Variants in FARS2 observed in about 807,000 individuals in gnomAD.
FARS2 encodes phenylalanyl-tRNA synthetase 2, mitochondrial, also known as phenylalanine--tRNA ligase, mitochondrial.
Under a neutral mutation model 46.4 loss-of-function variants are expected in FARS2, and 40 were observed. The ratio of observed to expected loss-of-function variants is 0.86; its 90% CI spans 0.67 to 1.12. The LOEUF is 1.12. Among genes scored for constraint, FARS2 ranks in the 50% most tolerant of loss-of-function variants. FARS2 has a pLI of 0.00. For synonymous variants in FARS2, 234 were observed against 214.9 expected (o/e 1.09, Z -0.78); for missense variants, 513 against 567.9 (o/e 0.90, Z 0.98).
chr6:5,672,674 T>TA (rs147061946), intron 6 of FARS2, among the ~76,000 whole-genome samples: 1 of 152,118 alleles, frequency 6.6e-6, no homozygotes, highest in African/African-American at 2.4e-5. Flanking sequence ...GAGCCCCCCT[T>TA]AAAAATAGCA....
intron 5 of FARS2, among the ~76,000 whole-genome samples, chr6:5,606,915 CATT>C (rs1453009275): frequency 2.0e-5 from 3 of 152,090 alleles, no homozygotes; most frequent in Non-Finnish European, 4.4e-5. Context: ...CTGAGGAAGA[CATT>C]ATGTTTATCA....
At chr6:5,388,690 T>G (rs894018657) in intron 2 of FARS2, among the ~76,000 whole-genome samples, 1 of 152,136 alleles carries the variant, frequency 6.6e-6, no homozygotes, top group South Asian at 2.1e-4. Context: ...ACAAAATCAT[T>G]CATGAGTGAT....
chr6:5,464,307 G>A (rs990611746), intron 4 of FARS2, among the ~76,000 whole-genome samples: 1 of 152,200 alleles, frequency 6.6e-6, no homozygotes, highest in Non-Finnish European at 1.5e-5. Flanking sequence ...TCCACCATAT[G>A]TGCAGGCTTC....
At chr6:5,676,036 T>C (rs939210191) in intron 6 of FARS2, among the ~76,000 whole-genome samples, 6 of 152,120 alleles carry the variant, frequency 3.9e-5, no homozygotes, top group African/African-American at 1.4e-4. Context: ...TAAATTAAAA[T>C]AAAGATAACT....
rs751459058 is a variant in FARS2, at chr6:5,613,185, C to T, written c.1082C>T (p.Pro361Leu). 2.2e-4 allele frequency: 351 copies of T among 1,612,134 alleles called. No individual in the cohort carries two copies. Among genetic ancestry groups the T allele is most frequent in the Middle Eastern group, 8.2e-4 (5 of 6,078 alleles). ...KVKFQPLSKYPAVINDISFWL... is the reference protein window; with the variant it reads ...KVKFQPLSKYLAVINDISFWL... ...TTTTGTTAGCCTCTTAGCAAATATC[C>T]GGCTGTGATCAATGATATTTCATTC... is the stretch of plus-strand genomic sequence containing the variant. The change falls in exon 6 of 7, where the codon CCG becomes CTG. Residue 361 changes from proline (P) to leucine (L), a missense_variant. Physicochemically the swap from Pro to Leu is moderately conservative, Grantham distance 98. Transcript: ENST00000274680.
chr6:5,613,926 C>T (rs1775322825), intron 6 of FARS2, among the ~76,000 whole-genome samples: 1 of 152,020 alleles, frequency 6.6e-6, no homozygotes, highest in East Asian at 1.9e-4. Context: ...AAGCTGAGAA[C>T]AGAAGGATGA....
rs114097737 is a variant in FARS2, at chr6:5,450,812, C to T, written c.904+19640C>T. 9.6e-3 allele frequency among the ~76,000 whole-genome samples: 1,466 copies of T among 152,132 alleles called. 22 individuals carry two copies. The highest frequency in any genetic ancestry group is 0.033 in the African/African-American group (1,375 of 41,502). ...GGGGTCTCCTTGCCTCCAGGGTTTC[C>T]CTCCTCCAGTCTGCCCTGCTTGGAA... On this transcript the variant is annotated intron_variant, in intron 4 of 6. Coordinates refer to ENST00000274680, the MANE Select transcript of FARS2 (RefSeq NM_006567.5).
intron 6 of FARS2, among the ~76,000 whole-genome samples, chr6:5,666,143 T>C (rs1273590010): frequency 2.0e-5 from 3 of 152,200 alleles, no homozygotes; most frequent in African/African-American, 7.2e-5. Flanking sequence ...CCCAAAATAC[T>C]GGGTACCTCA....
chr6:5,622,619 A>G (rs753025669), intron 6 of FARS2, among the ~76,000 whole-genome samples: 7 of 152,194 alleles, frequency 4.6e-5, no homozygotes, highest in Non-Finnish European at 8.8e-5. Flanking sequence ...GGGAGGACAC[A>G]GTGTTCGTCC....
At chr6:5,279,661 A>G (rs548562377) in intron 1 of FARS2, among the ~76,000 whole-genome samples, 90 of 151,840 alleles carry the variant, frequency 5.9e-4, no homozygotes, top group African/African-American at 2.1e-3. Flanking sequence ...CACATGGCAT[A>G]AGTTTCAGTT....
At chr6:5,352,546 C>T (rs745877396) in intron 1 of FARS2, among the ~76,000 whole-genome samples, 11 of 151,450 alleles carry the variant, frequency 7.3e-5, no homozygotes, top group Non-Finnish European at 1.0e-4. Flanking sequence ...AGGCTTTGTC[C>T]TCAGTTACCT....
chr6:5,769,148 G>A (rs1395088999), intron 6 of FARS2, among the ~76,000 whole-genome samples: 1 of 151,358 alleles, frequency 6.6e-6, no homozygotes, highest in Non-Finnish European at 1.5e-5. Flanking sequence ...GAGTTAGTTT[G>A]TGTGTGTGTG....
intron 4 of FARS2, among the ~76,000 whole-genome samples, chr6:5,539,915 G>A (rs964920751): frequency 5.3e-5 from 8 of 152,160 alleles, no homozygotes; most frequent in African/African-American, 1.7e-4. Context: ...CCTCTGCTCC[G>A]TCTCACCCTG....
At position 5,686,318 on chromosome 6, in the gene FARS2, C is replaced by G. The variant is rs553675894; in HGVS notation, c.1217+72998C>G. Among the ~76,000 whole-genome samples, 5 of 151,476 alleles carry G rather than the reference C, an allele frequency of 3.3e-5. No homozygotes were observed. In the South Asian group the frequency reaches 1.0e-3, roughly 31 times the overall value. ...CTGCACCCATTAACTCGTCATTTAA[C>G]ATTAGGTATATCTCCTAATGCTCTC... On this transcript the variant is annotated intron_variant, in intron 6 of 6. Coordinates refer to ENST00000274680, the MANE Select transcript of FARS2 (RefSeq NM_006567.5).
At chr6:5,299,893 C>T (rs898425003) in intron 1 of FARS2, among the ~76,000 whole-genome samples, 38 of 152,204 alleles carry the variant, frequency 2.5e-4, no homozygotes, top group African/African-American at 9.2e-4. Flanking sequence ...TAGGACTTCT[C>T]AGTCTCGATA....
chr6:5,417,553 C>T (rs1019926341), intron 3 of FARS2, among the ~76,000 whole-genome samples: 2 of 152,106 alleles, frequency 1.3e-5, no homozygotes, highest in South Asian at 4.1e-4. Context: ...AGGTGATATT[C>T]CTAGATCTCT....
At chr6:5,708,408 C>T (rs1192457001) in intron 6 of FARS2, among the ~76,000 whole-genome samples, 1 of 152,202 alleles carries the variant, frequency 6.6e-6, no homozygotes, top group Non-Finnish European at 1.5e-5. Context: ...CCTACATGAT[C>T]AGTGAGCTCC....
chr6:5,537,040 CT>C (rs1214616566), intron 4 of FARS2, among the ~76,000 whole-genome samples: 1 of 152,102 alleles, frequency 6.6e-6, no homozygotes, highest in Non-Finnish European at 1.5e-5. Flanking sequence ...TAAAGGTACC[CT>C]TTTTTTCTGT....
At chr6:5,441,803 CT>C (rs1379780782) in intron 4 of FARS2, among the ~76,000 whole-genome samples, 8 of 152,242 alleles carry the variant, frequency 5.3e-5, no homozygotes, top group African/African-American at 1.9e-4. Flanking sequence ...TTACGAGCAT[CT>C]TTGGGTATCA....
Sources: allele counts gnomAD v4.1 joint callset (sites outside exome capture counted in the v4.1 genomes callset), GRCh38; gene constraint gnomAD v4.1.1; transcripts MANE v1.5; gene names NCBI Gene and HGNC (gene_info 2026-07-23, HGNC 2026-07-21).